CAMTA1: variants seen among roughly 807,000 people sequenced by gnomAD.
CAMTA1 encodes the protein calmodulin-binding transcription activator 1.
A neutral mutation model predicts 170.9 loss-of-function variants in CAMTA1; 27 were observed. The observed-to-expected ratio is 0.16, with a 90% CI of 0.12 to 0.22. The LOEUF (loss-of-function observed/expected upper bound fraction) is 0.22, where lower values mean the gene tolerates loss of function less well. CAMTA1 is among the 10% of genes least tolerant of loss of function. The probability of loss-of-function intolerance (pLI) is 1.00; values close to 1 mark genes in which losing one functional copy is unlikely to be tolerated. For synonymous variants in CAMTA1, 833 were observed against 891.5 expected (o/e 0.93, Z 1.17); for missense variants, 1,619 against 2,217.2 (o/e 0.73, Z 5.42).
rs190074049 is a variant in CAMTA1 at position 7,034,382 on chromosome 1, C to G, written c.235-56922C>G. Reference sequence around the variant, plus strand: ...TCTTGGCCGGGCTGGTCTTGAACACCTGACCTTGTGATCCACCCGCCTCGG... The same window carrying G: ...TCTTGGCCGGGCTGGTCTTGAACACGTGACCTTGTGATCCACCCGCCTCGG... On this transcript the variant is annotated intron_variant, in intron 3 of 22. Coordinates refer to ENST00000303635, the MANE Select transcript of CAMTA1 (RefSeq NM_015215.4). Among the ~76,000 whole-genome samples the G allele has an allele frequency of 1.2e-3, 188 of 152,274 alleles. 1 individual carries two copies. The highest frequency in any genetic ancestry group is 3.4e-3 in the Middle Eastern group (1 of 294).
intron 3 of CAMTA1, chr1:6,874,064 T>C (rs1669141006): frequency 6.6e-6 from 1 of 152,250 alleles, no homozygotes; most frequent in African/African-American, 2.4e-5. Context: ...GCTACTTCTG[T>C]TTTATCCTCT....
chr1:7,457,774 C>T (rs1488641905), intron 5 of CAMTA1, among the ~76,000 whole-genome samples: 1 of 152,186 alleles, frequency 6.6e-6, no homozygotes, highest in East Asian at 1.9e-4. Flanking sequence ...GAGGGGCCCT[C>T]CTTCCTGTTC....
intron 5 of CAMTA1, among the ~76,000 whole-genome samples, chr1:7,439,091 G>T (rs2092438779): frequency 6.6e-6 from 1 of 152,156 alleles, no homozygotes; most frequent in East Asian, 1.9e-4. Context: ...GTGGGGGGCT[G>T]CAGGCCCAGA....
rs2096180245 is a variant in CAMTA1, at chr1:7,680,443, T to TGCACACACTCTCTCCCACGCGCGC, written c.2914+2713_2914+2736dup. 6.6e-6 allele frequency among the ~76,000 whole-genome samples: 1 copy of TGCACACACTCTCTCCCACGCGCGC among 151,852 alleles called. No individual in the cohort carries two copies. Among genetic ancestry groups the TGCACACACTCTCTCCCACGCGCGC allele is most frequent in the Non-Finnish European group, 1.5e-5 (1 of 67,948 alleles). ...GGGGCACGGCTGCCGGCGGCGCGCGTGCACACACTCTCTCCCACGCGCGCG... is the reference window on the plus strand; with the variant it reads ...GGGGCACGGCTGCCGGCGGCGCGCGTGCACACACTCTCTCCCACGCGCGCGCACACACTCTCTCCCACGCGCGCG... On this transcript the variant is annotated intron_variant, in intron 11 of 22. Coordinates refer to ENST00000303635, the MANE Select transcript of CAMTA1 (RefSeq NM_015215.4). The surrounding 1 kb of genome is among the most constrained non-coding windows in gnomAD (Gnocchi z 4.4).
chr1:7,632,779 G>A (rs1235318496), intron 6 of CAMTA1, among the ~76,000 whole-genome samples: 3 of 152,222 alleles, frequency 2.0e-5, no homozygotes, highest in African/African-American at 7.2e-5. Context: ...TGGGTGACTT[G>A]AGTCCCCTCC....
At chr1:7,526,031 AT>A (rs1355662260) in intron 6 of CAMTA1, among the ~76,000 whole-genome samples, 1 of 152,162 alleles carries the variant, frequency 6.6e-6, no homozygotes, top group Non-Finnish European at 1.5e-5. Flanking sequence ...GCCAAATAAT[AT>A]TTTAATAGAA....
rs144468669 is a variant in CAMTA1, at chr1:7,617,045, A to C, written c.511-23355A>C. 7.8e-4 allele frequency among the ~76,000 whole-genome samples: 119 copies of C among 152,292 alleles called. 1 individual carries two copies. In the Middle Eastern group the frequency reaches 0.027, roughly 35 times the overall value. On this transcript the variant is annotated intron_variant, in intron 6 of 22. Transcript: ENST00000303635. ...GCTCGTGGGGTAAAGTGTGGCTGCA[A>C]CTGCTCTTTCTGTTCTATAAATAGC... is the stretch of plus-strand genomic sequence containing the variant.
At chr1:7,722,105 C>T (rs1442045088) in intron 11 of CAMTA1, among the ~76,000 whole-genome samples, 1 of 152,138 alleles carries the variant, frequency 6.6e-6, no homozygotes, top group Non-Finnish European at 1.5e-5. Context: ...GAGCTGGTTT[C>T]CTGGCATAGA....
chr1:6,818,449 T>A (rs1646088731), intron 1 of CAMTA1, among the ~76,000 whole-genome samples: 2 of 152,124 alleles, frequency 1.3e-5, no homozygotes, highest in Admixed American at 6.5e-5. Flanking sequence ...GTAACAATAG[T>A]GTTTTGTATT....
chr1:6,877,707 C>A (rs987789511), intron 3 of CAMTA1, among the ~76,000 whole-genome samples: 1 of 152,184 alleles, frequency 6.6e-6, no homozygotes, highest in Non-Finnish European at 1.5e-5. Flanking sequence ...GGCCACAGAA[C>A]TTCAATTATT....
intron 6 of CAMTA1, among the ~76,000 whole-genome samples, chr1:7,526,912 A>G (rs2094438187): frequency 6.6e-6 from 1 of 152,194 alleles, no homozygotes; most frequent in Non-Finnish European, 1.5e-5. Flanking sequence ...TCTGGGCATT[A>G]AGCTACGTTA....
chr1:6,831,236 T>A (rs1250834712), intron 3 of CAMTA1, among the ~76,000 whole-genome samples: 1 of 152,188 alleles, frequency 6.6e-6, no homozygotes. Context: ...ACTTTTATAT[T>A]CAGGGCAAGG....
At chr1:7,762,689 G>A (rs953674230) in intron 22 of CAMTA1, among the ~76,000 whole-genome samples, 2 of 152,062 alleles carry the variant, frequency 1.3e-5, no homozygotes, top group African/African-American at 4.8e-5. Context: ...TCCATAAATT[G>A]CAAATTGGAG....
chr1:7,708,943 C>T (rs1169184612), intron 11 of CAMTA1, among the ~76,000 whole-genome samples: 1 of 152,110 alleles, frequency 6.6e-6, no homozygotes, highest in African/African-American at 2.4e-5. Flanking sequence ...ATCATTCTCT[C>T]CATTTTTTCA....
rs70987364 is a variant in CAMTA1, at chr1:7,688,011, C to CTTTTTTT, written c.2914+10289_2914+10295dup. On this transcript the variant is annotated intron_variant, in intron 11 of 22. Coordinates refer to ENST00000303635, the MANE Select transcript of CAMTA1 (RefSeq NM_015215.4). ...CGATTACGTCGGACTCTCATTATTC[C>CTTTTTTT]TTTTTTTTTTTTTTTTTGGCAGAGT... Among the ~76,000 whole-genome samples the CTTTTTTT allele has an allele frequency of 7.5e-3, 772 of 103,190 alleles. 43 individuals are homozygous for CTTTTTTT. The highest frequency in any genetic ancestry group is 0.017 in the African/African-American group (448 of 26,876). The allele number at this position is 103,190 out of a possible 152,430, so 67.7% of individuals were successfully genotyped here. A position where few individuals can be genotyped will look rare whatever the true frequency, so the allele number is the denominator to read the frequency against.
intron 3 of CAMTA1, among the ~76,000 whole-genome samples, chr1:6,942,550 T>A (rs759034473): frequency 2.0e-5 from 3 of 152,166 alleles, no homozygotes; most frequent in Non-Finnish European, 4.4e-5. Flanking sequence ...TCCCAGCTAC[T>A]TGGGAGGCTA....
At chr1:6,994,174 T>C (rs1212401969) in intron 3 of CAMTA1, among the ~76,000 whole-genome samples, 2 of 152,208 alleles carry the variant, frequency 1.3e-5, no homozygotes, top group South Asian at 2.1e-4. Flanking sequence ...AGCCCCATAG[T>C]GTATTTTTTC....
At chr1:7,213,734 A>G (rs1659213945) in intron 4 of CAMTA1, among the ~76,000 whole-genome samples, 1 of 151,914 alleles carries the variant, frequency 6.6e-6, no homozygotes, top group African/African-American at 2.4e-5. Context: ...CATGAGGTAT[A>G]TCTCCTAATG....
chr1:7,233,955 T>C (rs1453974024), intron 4 of CAMTA1, among the ~76,000 whole-genome samples: 3 of 152,202 alleles, frequency 2.0e-5, no homozygotes, highest in African/African-American at 7.2e-5. Context: ...CCTCTGCTTT[T>C]TCTTCCTTGC....
Sources: allele counts gnomAD v4.1 joint callset (sites outside exome capture counted in the v4.1 genomes callset), GRCh38; gene constraint gnomAD v4.1.1; non-coding constraint Gnocchi (gnomAD v3.1); transcripts MANE v1.5; gene names NCBI Gene and HGNC (gene_info 2026-07-23, HGNC 2026-07-21).